NRXN1: variants seen among roughly 807,000 people sequenced by gnomAD.
The protein encoded by NRXN1 is neurexin 1.
Under a neutral mutation model 150.9 loss-of-function variants are expected in NRXN1, and 39 were observed. The ratio of observed to expected loss-of-function variants is 0.26; its 90% CI spans 0.20 to 0.34. NRXN1 has a LOEUF of 0.34. Ranked by LOEUF, NRXN1 falls within the 10% of genes least tolerant of loss-of-function variation. The pLI, the probability that NRXN1 is intolerant of heterozygous loss-of-function variation, is 1.00. For missense variants in NRXN1, 1,815 were observed against 1,949.9 expected (o/e 0.93, Z 1.30); for synonymous variants, 924 against 757.0 (o/e 1.22, Z -3.62).
intron 15 of NRXN1, among the ~76,000 whole-genome samples, chr2:50,484,648 A>G (rs973345593): frequency 6.6e-6 from 1 of 152,206 alleles, no homozygotes; most frequent in African/African-American, 2.4e-5. Context: ...TCTGCAGAAT[A>G]TATATAAAGG....
Position 50,107,539 on chromosome 2 carries a change from A to ATATATATATATTT in NRXN1, c.3547-16046_3547-16045insAAATATATATATA, listed in dbSNP as rs59921941. 7.6e-3 allele frequency among the ~76,000 whole-genome samples: 991 copies of ATATATATATATTT among 129,694 alleles called. 12 individuals carry two copies. Among genetic ancestry groups the ATATATATATATTT allele is most frequent in the East Asian group, 0.019 (84 of 4,330 alleles). 85.1% of individuals were successfully genotyped at this position (129,694 alleles called of 152,430 possible). Reference sequence around the variant, plus strand: ...AGACTACATATATATATATATATATATTTTTTTTTTTTACCCAAGTACTAC... The same window carrying ATATATATATATTT: ...AGACTACATATATATATATATATATATATATATATATTTTTTTTTTTTTTTACCCAAGTACTAC... On this transcript the variant is annotated intron_variant, in intron 18 of 22. Transcript: ENST00000401669.
intron 5 of NRXN1, among the ~76,000 whole-genome samples, chr2:50,780,449 C>G (rs1456989620): frequency 6.6e-6 from 1 of 152,052 alleles, no homozygotes; most frequent in Non-Finnish European, 1.5e-5. Context: ...TTTTATGAGT[C>G]TATATTATTT....
intron 21 of NRXN1, among the ~76,000 whole-genome samples, chr2:49,987,721 G>A (rs1004419631): frequency 7.3e-5 from 11 of 151,038 alleles, no homozygotes; most frequent in African/African-American, 2.7e-4. Context: ...ATAGAAGGAT[G>A]AGCTAATCAT....
intron 17 of NRXN1, among the ~76,000 whole-genome samples, chr2:50,381,578 G>A (rs573736284): frequency 1.4e-4 from 20 of 141,166 alleles, no homozygotes; most frequent in South Asian, 4.6e-4. Flanking sequence ...CACACAATCT[G>A]CTTTTGGCTA....
chr2:50,254,609 A>T (rs2067513704), intron 17 of NRXN1, among the ~76,000 whole-genome samples: 1 of 150,224 alleles, frequency 6.7e-6, no homozygotes, highest in Non-Finnish European at 1.5e-5. Context: ...ATTCTGGTAC[A>T]TTGTCTCTTT....
At chr2:50,260,270 T>C (rs930157382) in intron 17 of NRXN1, among the ~76,000 whole-genome samples, 1 of 151,892 alleles carries the variant, frequency 6.6e-6, no homozygotes, top group East Asian at 1.9e-4. Flanking sequence ...CTTCTGCCTA[T>C]TGAAAATTTT....
intron 18 of NRXN1, among the ~76,000 whole-genome samples, chr2:50,191,205 GT>G (rs59678295): frequency 4.0e-4 from 53 of 131,572 alleles, no homozygotes; most frequent in Admixed American, 5.7e-4. Flanking sequence ...ATTGTTTTTT[GT>G]TTTTTTTTTT....
At chr2:50,971,818 C>T (rs1695051542) in intron 2 of NRXN1, among the ~76,000 whole-genome samples, 1 of 151,966 alleles carries the variant, frequency 6.6e-6, no homozygotes, top group South Asian at 2.1e-4. Context: ...CAACATAATA[C>T]AAACACAGAT....
At chr2:49,969,345 T>C (rs1401315602) in intron 21 of NRXN1, among the ~76,000 whole-genome samples, 2 of 151,984 alleles carry the variant, frequency 1.3e-5, no homozygotes, top group Non-Finnish European at 2.9e-5. Context: ...AAAAAGCACA[T>C]CTAATCATGC....
intron 5 of NRXN1, among the ~76,000 whole-genome samples, chr2:50,688,516 G>T (rs1371767455): frequency 6.6e-6 from 1 of 152,096 alleles, no homozygotes; most frequent in Non-Finnish European, 1.5e-5. Context: ...AGGACTGGGT[G>T]GGTAGAAGAA....
At chr2:50,552,558 T>TA in intron 9 of NRXN1, 29 bp downstream of exon 9, 4 of 1,563,892 alleles carry the variant, frequency 2.6e-6, no homozygotes, top group Non-Finnish European at 3.5e-6. Flanking sequence ...CTCCAGCAGA[T>TA]AAACAGCATA....
intron 21 of NRXN1, among the ~76,000 whole-genome samples, chr2:49,956,552 G>A (rs572687317): frequency 6.6e-6 from 1 of 152,066 alleles, no homozygotes; most frequent in East Asian, 1.9e-4. Context: ...AACTCCCAGA[G>A]GAGCTACCTC....
At chr2:50,086,183 A>G (rs1236338343) in intron 19 of NRXN1, among the ~76,000 whole-genome samples, 2 of 152,206 alleles carry the variant, frequency 1.3e-5, no homozygotes, top group African/African-American at 4.8e-5. Context: ...ATATTAAAAA[A>G]TCATTAAATT....
At chr2:50,537,847 A>C (rs1034936186) in intron 10 of NRXN1, among the ~76,000 whole-genome samples, 1 of 152,204 alleles carries the variant, frequency 6.6e-6, no homozygotes, top group Admixed American at 6.5e-5. Flanking sequence ...CTCATAGCTT[A>C]GCTTGCCTCA....
chr2:50,484,020 G>C (rs953884423), intron 15 of NRXN1, among the ~76,000 whole-genome samples: 24 of 152,146 alleles, frequency 1.6e-4, no homozygotes, highest in Admixed American at 1.6e-3. Flanking sequence ...AAATATAAAA[G>C]AACAGCTCTT....
intron 5 of NRXN1, among the ~76,000 whole-genome samples, chr2:50,675,967 G>A (rs1371302254): frequency 1.3e-5 from 2 of 152,064 alleles, no homozygotes; most frequent in Non-Finnish European, 2.9e-5. Context: ...AAAAAAATCA[G>A]AGTCAAGTCC....
chr2:50,173,899 T>A (rs982331516), intron 18 of NRXN1, among the ~76,000 whole-genome samples: 7 of 152,122 alleles, frequency 4.6e-5, no homozygotes, highest in African/African-American at 1.7e-4. Flanking sequence ...TTATTATGGG[T>A]AATACAGAAG....
intron 21 of NRXN1, among the ~76,000 whole-genome samples, chr2:49,998,556 T>G (rs1243422382): frequency 1.3e-5 from 2 of 152,146 alleles, no homozygotes; most frequent in South Asian, 2.1e-4. Flanking sequence ...AGCATACTTC[T>G]TTATGTAACA....
intron 5 of NRXN1, among the ~76,000 whole-genome samples, chr2:50,841,425 T>C (rs1672856179): frequency 6.6e-6 from 1 of 152,174 alleles, no homozygotes. Context: ...TTGCTTAAGC[T>C]TCTCCTATCC....
Sources: allele counts gnomAD v4.1 joint callset (sites outside exome capture counted in the v4.1 genomes callset), GRCh38; gene constraint gnomAD v4.1.1; transcripts MANE v1.5; gene names NCBI Gene and HGNC (gene_info 2026-07-23, HGNC 2026-07-21).